Variants in PRKCE observed in about 807,000 individuals in gnomAD.
The protein encoded by PRKCE is protein kinase C epsilon.
PRKCE carries 16 observed loss-of-function variants against 85.4 expected under a neutral mutation model. The ratio of observed to expected loss-of-function variants is 0.19; its 90% CI spans 0.13 to 0.28. The LOEUF is 0.28. Among genes scored for constraint, PRKCE ranks in the 10% least tolerant of loss-of-function variants. The pLI is 1.00. For missense variants in PRKCE, 573 were observed against 975.2 expected (o/e 0.59, Z 5.49); for synonymous variants, 388 against 371.5 (o/e 1.04, Z -0.51).
At chr2:45,964,100 C>T (rs1222081543) in intron 2 of PRKCE, among the ~76,000 whole-genome samples, 1 of 152,176 alleles carries the variant, frequency 6.6e-6, no homozygotes, top group Non-Finnish European at 1.5e-5. Flanking sequence ...TAAATAACCC[C>T]ATAGCCTTTA....
intron 1 of PRKCE, among the ~76,000 whole-genome samples, chr2:45,766,834 G>A (rs1010908478): frequency 2.6e-5 from 4 of 152,194 alleles, no homozygotes; most frequent in African/African-American, 7.2e-5. Context: ...GAGCTCAGGG[G>A]TTCGAGACCA....
intron 1 of PRKCE, among the ~76,000 whole-genome samples, chr2:45,739,789 T>C (rs1216369050): frequency 6.6e-6 from 1 of 152,000 alleles, no homozygotes; most frequent in Non-Finnish European, 1.5e-5. Flanking sequence ...AGACTGTATA[T>C]ATTTGTCAAA....
chr2:46,034,351 C>A (rs887257276), intron 10 of PRKCE, among the ~76,000 whole-genome samples: 1 of 152,186 alleles, frequency 6.6e-6, no homozygotes, highest in African/African-American at 2.4e-5. Flanking sequence ...CCATAGCAAG[C>A]ATTTAATAAA....
intron 10 of PRKCE, among the ~76,000 whole-genome samples, chr2:46,070,756 G>A (rs1338605613): frequency 3.3e-5 from 5 of 152,138 alleles, no homozygotes; most frequent in Non-Finnish European, 5.9e-5. Flanking sequence ...GGACAGACAC[G>A]GGGTCAAATT....
chr2:45,918,100 G>A (rs1267078249), intron 2 of PRKCE, among the ~76,000 whole-genome samples: 1 of 152,250 alleles, frequency 6.6e-6, no homozygotes, highest in Non-Finnish European at 1.5e-5. Flanking sequence ...TCCGGCCTTG[G>A]CCAGCCCAGA....
chr2:46,180,754 ATAG>A (rs1679898294), intron 14 of PRKCE, among the ~76,000 whole-genome samples: 1 of 152,208 alleles, frequency 6.6e-6, no homozygotes, highest in African/African-American at 2.4e-5. Flanking sequence ...AAGGAAACCT[ATAG>A]TGTGCCTGTT....
chr2:46,006,627 A>T (rs143248005), intron 8 of PRKCE, among the ~76,000 whole-genome samples: 31 of 152,340 alleles, frequency 2.0e-4, no homozygotes, highest in African/African-American at 6.3e-4. Flanking sequence ...TTTGCTCAAG[A>T]TGCCCATTTC....
chr2:45,958,311 C>T (rs912033940), intron 2 of PRKCE, among the ~76,000 whole-genome samples: 1 of 151,492 alleles, frequency 6.6e-6, no homozygotes, highest in Non-Finnish European at 1.5e-5. Context: ...GGTTCGAGAC[C>T]AGCCTGGCTA....
chr2:45,720,766 C>G (rs1038556965), intron 1 of PRKCE, among the ~76,000 whole-genome samples: 5 of 152,104 alleles, frequency 3.3e-5, no homozygotes, highest in African/African-American at 1.2e-4. Context: ...TCTAATATGC[C>G]AGCACTGTGC....
chr2:45,881,495 C>T (rs1481877459), intron 2 of PRKCE, among the ~76,000 whole-genome samples: 3 of 152,106 alleles, frequency 2.0e-5, no homozygotes, highest in African/African-American at 7.2e-5. Flanking sequence ...ATAGTGATTG[C>T]AGTTAAAATA....
In PRKCE at chr2:46,010,333, A is replaced by C; in HGVS notation, c.1264-11A>C. The C allele has an allele frequency of 6.3e-7, 1 of 1,583,552 alleles. No individual in the cohort carries two copies. The highest frequency in any genetic ancestry group is 8.6e-7 in the Non-Finnish European group (1 of 1,168,256). ...ATGCATAGATTGATGGAGGCAATTG[A>C]TTGATTGCAGGTCATGTTGGCAGAA... On this transcript the variant is annotated splice_polypyrimidine_tract_variant and intron_variant, in intron 9 of 14. Coordinates refer to ENST00000306156, the MANE Select transcript of PRKCE (RefSeq NM_005400.3).
intron 2 of PRKCE, among the ~76,000 whole-genome samples, chr2:45,914,327 A>G (rs1573857078): frequency 6.6e-6 from 1 of 152,226 alleles, no homozygotes; most frequent in African/African-American, 2.4e-5. Context: ...ATGGAACACC[A>G]GAGGCAGGGA....
At chr2:45,693,569 G>A (rs1312989581) in intron 1 of PRKCE, among the ~76,000 whole-genome samples, 3 of 152,218 alleles carry the variant, frequency 2.0e-5, no homozygotes, top group East Asian at 3.9e-4. Context: ...CAGCAGGGCT[G>A]GGTCCTGTCT....
intron 11 of PRKCE, among the ~76,000 whole-genome samples, chr2:46,109,566 C>A (rs374847328): frequency 6.6e-6 from 1 of 152,128 alleles, no homozygotes; most frequent in African/African-American, 2.4e-5. Context: ...ATTCTGCAAC[C>A]ATTCTATTAT....
rs1430583058 is a variant in PRKCE, at chr2:46,085,759, T to G, written c.1438-449T>G. On this transcript the variant is annotated intron_variant, in intron 10 of 14. Transcript: ENST00000306156. ...CCGTTTTTTTTTTTTGTTTTTGTTT[T>G]TTTTTTTTTTTTTAGCCATATAAGG... Among the ~76,000 whole-genome samples, 163 of 134,918 alleles carry G rather than the reference T, an allele frequency of 1.2e-3. 7 individuals carry two copies. The highest frequency in any genetic ancestry group is 1.9e-3 in the Non-Finnish European group (121 of 65,300). The allele number at this position is 134,918 out of a possible 152,430, so 88.5% of individuals were successfully genotyped here.
intron 2 of PRKCE, among the ~76,000 whole-genome samples, chr2:45,926,073 C>G (rs1698592480): frequency 6.6e-6 from 1 of 152,170 alleles, no homozygotes; most frequent in South Asian, 2.1e-4. Flanking sequence ...CAGTTTTTTT[C>G]TACATCCCAG....
At chr2:46,132,485 C>T (rs1166014938) in intron 11 of PRKCE, among the ~76,000 whole-genome samples, 1 of 152,194 alleles carries the variant, frequency 6.6e-6, no homozygotes. Context: ...ATGTCCATCA[C>T]ATGGAGAAAT....
chr2:46,066,463 G>A lies in PRKCE; in HGVS notation c.1438-19745G>A, dbSNP rs1402319898. ...CTTTTTGATTTTCCCATCTCCAGGG[G>A]AAGAGGGCAGGGAACGATCCACTCC... On this transcript the variant is annotated intron_variant, in intron 10 of 14. Coordinates refer to ENST00000306156, the MANE Select transcript of PRKCE (RefSeq NM_005400.3). Among the ~76,000 whole-genome samples the A allele has an allele frequency of 2.6e-5, 4 of 152,190 alleles. No individual in the cohort carries two copies. In the East Asian group the frequency reaches 7.7e-4, roughly 29 times the overall value.
chr2:46,005,057 C>G (rs1043930162), intron 8 of PRKCE, among the ~76,000 whole-genome samples: 6 of 152,138 alleles, frequency 3.9e-5, no homozygotes, highest in Non-Finnish European at 8.8e-5. Context: ...ATACCCAAAA[C>G]CTGAGATCAG....
Sources: allele counts gnomAD v4.1 joint callset (sites outside exome capture counted in the v4.1 genomes callset), GRCh38; gene constraint gnomAD v4.1.1; transcripts MANE v1.5; gene names NCBI Gene and HGNC (gene_info 2026-07-23, HGNC 2026-07-21).